Variants in TNR observed in about 807,000 individuals in gnomAD.
The protein encoded by TNR is tenascin R, also known as tenascin-R.
In TNR, 45 loss-of-function variants were observed where a neutral mutation model predicts 150.4. The ratio of observed to expected loss-of-function variants is 0.30; its 90% confidence interval spans 0.24 to 0.38. The LOEUF (loss-of-function observed/expected upper bound fraction) is 0.38. Among genes scored for constraint, TNR ranks in the 10% least tolerant of loss-of-function variants. TNR has a pLI of 1.00. For missense variants in TNR, 1,544 were observed against 1,759.1 expected (o/e 0.88, Z 2.19); for synonymous variants, 687 against 678.4 (o/e 1.01, Z -0.20).
chr1:175,403,811 A>G (rs1354134867), intron 3 of TNR, among the ~76,000 whole-genome samples, 195 bp from the exon 4 acceptor site: 2 of 152,244 alleles, frequency 1.3e-5, no homozygotes, highest in African/African-American at 4.8e-5. Context: ...TGCCTAGCAC[A>G]GGGCTGGGGG....
chr1:175,673,933 C>T (rs900023511), intron 1 of TNR, among the ~76,000 whole-genome samples: 1 of 152,248 alleles, frequency 6.6e-6, no homozygotes, highest in African/African-American at 2.4e-5. Context: ...TACATAGTGC[C>T]ATCCACCTAG....
At chr1:175,498,955 C>T (rs753717167) in intron 2 of TNR, among the ~76,000 whole-genome samples, 2 of 152,088 alleles carry the variant, frequency 1.3e-5, no homozygotes, top group Non-Finnish European at 2.9e-5. Context: ...TTCAGGCTAC[C>T]ACATTATGTG....
chr1:175,554,339 C>T (rs936608169), intron 1 of TNR, among the ~76,000 whole-genome samples: 21 of 115,128 alleles, frequency 1.8e-4, no homozygotes, highest in African/African-American at 6.4e-4. Flanking sequence ...TCCTACATGG[C>T]AAAAAAAAAA....
chr1:175,575,467 C>T (rs968225951), intron 1 of TNR, among the ~76,000 whole-genome samples: 1 of 152,194 alleles, frequency 6.6e-6, no homozygotes, highest in Non-Finnish European at 1.5e-5. Flanking sequence ...CATCTCTACC[C>T]TCAGCCTGTC....
intron 18 of TNR, among the ~76,000 whole-genome samples, chr1:175,340,058 T>A (rs1160227385): frequency 6.6e-6 from 1 of 152,224 alleles, no homozygotes; most frequent in Non-Finnish European, 1.5e-5. Context: ...AAATAGTGAT[T>A]CATTTTTTAA....
At chr1:175,380,679 A>G (rs914840705) in intron 8 of TNR, among the ~76,000 whole-genome samples, 9 of 151,982 alleles carry the variant, frequency 5.9e-5, no homozygotes, top group African/African-American at 2.2e-4. Flanking sequence ...TGCAGTTGCC[A>G]CAAAGAGACG....
intron 1 of TNR, among the ~76,000 whole-genome samples, chr1:175,740,839 A>C (rs189661950): frequency 2.0e-3 from 306 of 152,266 alleles, no homozygotes; most frequent in African/African-American, 6.7e-3. Context: ...TCTTAGAGAG[A>C]ACAGTCACCA....
At chr1:175,741,594 T>C (rs1219746070) in intron 1 of TNR, among the ~76,000 whole-genome samples, 1 of 152,232 alleles carries the variant, frequency 6.6e-6, no homozygotes, top group African/African-American at 2.4e-5. Flanking sequence ...CTTTCTTCCC[T>C]ACCCTTACAA....
chr1:175,337,726 G>A (rs1281920875), intron 18 of TNR, 47 bp from the exon 19 acceptor site: 2 of 1,599,770 alleles, frequency 1.3e-6, no homozygotes, highest in East Asian at 2.3e-5. Context: ...TTCTCTCACA[G>A]TGCACAAGAG....
intron 2 of TNR, among the ~76,000 whole-genome samples, chr1:175,434,353 A>C (rs1203862016): frequency 2.6e-5 from 4 of 152,072 alleles, no homozygotes; most frequent in Non-Finnish European, 5.9e-5. Context: ...ATTGGAGATG[A>C]GTCCTCCAAC....
At chr1:175,378,650 G>T (rs1233351515) in intron 9 of TNR, among the ~76,000 whole-genome samples, 1 of 152,212 alleles carries the variant, frequency 6.6e-6, no homozygotes, top group Non-Finnish European at 1.5e-5. Context: ...AACAGCATTT[G>T]CCAGTCCTAT....
chr1:175,553,845 C>CACACACAA (rs1282632549), intron 1 of TNR, among the ~76,000 whole-genome samples: 2,760 of 151,560 alleles, frequency 0.018, 88 homozygotes, highest in African/African-American at 0.063. Flanking sequence ...CACACACACA[C>CACACACAA]ACAAACAATA....
chr1:175,638,643 A>T (rs947773220), intron 1 of TNR, among the ~76,000 whole-genome samples: 4 of 152,178 alleles, frequency 2.6e-5, no homozygotes, highest in African/African-American at 9.7e-5. Flanking sequence ...AAGTTAGGGT[A>T]CCAAACTCCT....
Position 175,627,305 on chromosome 1 carries a change from G to T in TNR, c.-164-98936C>A, listed in dbSNP as rs142127340. On this transcript the variant is annotated intron_variant, in intron 1 of 22. Transcript: ENST00000367674. ...TGTTTCTTACCAGTGCACAAGCTGG[G>T]ATGAAAAACTCTGATCCTTAGATCA... is the stretch of plus-strand genomic sequence containing the variant. Among the ~76,000 whole-genome samples the T allele has an allele frequency of 4.7e-4, 71 of 152,280 alleles. No individual in the cohort carries two copies. The East Asian group carries it at 0.012, about 26-fold the overall frequency.
intron 1 of TNR, among the ~76,000 whole-genome samples, chr1:175,559,542 A>T (rs570733493): frequency 2.0e-5 from 3 of 152,122 alleles, no homozygotes; most frequent in Non-Finnish European, 4.4e-5. Flanking sequence ...CACTCCCACG[A>T]ATTTCTTTAT....
chr1:175,683,734 G>A (rs1457544170), intron 1 of TNR, among the ~76,000 whole-genome samples: 1 of 152,202 alleles, frequency 6.6e-6, no homozygotes, highest in East Asian at 1.9e-4. Context: ...GGGAAGAGCT[G>A]TGAGAGTATG....
intron 2 of TNR, among the ~76,000 whole-genome samples, chr1:175,454,639 T>A (rs909100377): frequency 6.6e-6 from 1 of 152,104 alleles, no homozygotes; most frequent in Non-Finnish European, 1.5e-5. Flanking sequence ...ACCTGGCTAA[T>A]TTTTGTGTTT....
intron 1 of TNR, among the ~76,000 whole-genome samples, chr1:175,722,361 G>T (rs1351842507): frequency 6.6e-6 from 1 of 152,114 alleles, no homozygotes; most frequent in Admixed American, 6.5e-5. Context: ...ACAGGGAAAG[G>T]GTTTATTCCT....
chr1:175,644,183 G>A (rs966718781), intron 1 of TNR, among the ~76,000 whole-genome samples: 5 of 152,202 alleles, frequency 3.3e-5, no homozygotes, highest in African/African-American at 1.2e-4. Context: ...CACAGGGTCA[G>A]TAAACAATTT....
Sources: allele counts gnomAD v4.1 joint callset (sites outside exome capture counted in the v4.1 genomes callset), GRCh38; gene constraint gnomAD v4.1.1; transcripts MANE v1.5; gene names NCBI Gene and HGNC (gene_info 2026-07-23, HGNC 2026-07-21).